Variants in LRRC37A2 observed in about 807,000 individuals in gnomAD.
LRRC37A2 encodes the protein leucine rich repeat containing 37 member A2.
Under a neutral mutation model 68.8 loss-of-function variants are expected in LRRC37A2, and 9 were observed. The ratio of observed to expected loss-of-function variants is 0.13; its 90% confidence interval spans 0.08 to 0.23. LRRC37A2 has a LOEUF of 0.23. Among genes scored for constraint, LRRC37A2 ranks in the 10% least tolerant of loss-of-function variants. The pLI is 1.00. For missense variants in LRRC37A2, 168 were observed against 950.4 expected (o/e 0.18, Z 10.82); for synonymous variants, 63 against 367.6 (o/e 0.17, Z 9.48).
chr17:46,449,821 G>A, the LRRC37A2 span, among the ~76,000 whole-genome samples: 1 of 103,850 alleles, frequency 9.6e-6, no homozygotes, highest in Admixed American at 9.2e-5. Context: ...CCCAATGACA[G>A]CACTGCTCTC....
At chr17:46,721,771 G>A in the LRRC37A2 span, 11 of 1,602,486 alleles carry the variant, frequency 6.9e-6, no homozygotes, top group Non-Finnish European at 9.4e-6. Flanking sequence ...GGAAGACCAA[G>A]TCCTCAAGGA....
chr17:46,489,680 G>T, the LRRC37A2 span, among the ~76,000 whole-genome samples: 90 of 148,418 alleles, frequency 6.1e-4, no homozygotes, highest in South Asian at 1.0e-3. Context: ...TAGAGACAGG[G>T]TTTCACCATG....
the LRRC37A2 span, among the ~76,000 whole-genome samples, chr17:46,887,491 G>A: frequency 4.6e-5 from 7 of 152,078 alleles, no homozygotes; most frequent in South Asian, 2.1e-4. Flanking sequence ...AGGGCCAGGC[G>A]TGGTGGCTCA....
the LRRC37A2 span, among the ~76,000 whole-genome samples, chr17:46,730,399 C>T: frequency 6.6e-6 from 1 of 152,090 alleles, no homozygotes; most frequent in Non-Finnish European, 1.5e-5. Context: ...TTGTTCTTTA[C>T]ATTGTTAAAT....
chr17:46,908,308 C>G, the LRRC37A2 span, among the ~76,000 whole-genome samples: 1 of 152,132 alleles, frequency 6.6e-6, no homozygotes, highest in Non-Finnish European at 1.5e-5. Context: ...CTGTCTGGCC[C>G]TCTCCTCAAG....
the LRRC37A2 span, chr17:46,938,601 G>A: frequency 1.9e-6 from 3 of 1,613,922 alleles, no homozygotes; most frequent in Non-Finnish European, 2.5e-6. Flanking sequence ...TGCCCCAGGG[G>A]ACTCAGAAGA....
the LRRC37A2 span, among the ~76,000 whole-genome samples, chr17:46,712,413 A>G: frequency 3.9e-5 from 6 of 152,098 alleles, no homozygotes; most frequent in Admixed American, 1.3e-4. Flanking sequence ...TATTTGTTAG[A>G]TTGGATGTGG....
chr17:46,929,566 G>C, the LRRC37A2 span: 1 of 1,542,812 alleles, frequency 6.5e-7, no homozygotes, highest in East Asian at 2.2e-5. Flanking sequence ...GGAGACGGCA[G>C]ACAAGCAGTC....
At chr17:46,900,376 T>G in the LRRC37A2 span, among the ~76,000 whole-genome samples, 1 of 151,634 alleles carries the variant, frequency 6.6e-6, no homozygotes, top group Non-Finnish European at 1.5e-5. Flanking sequence ...TCAGCCTCCC[T>G]AGTAGCTGGG....
chr17:46,673,246 AAT>A, the LRRC37A2 span, among the ~76,000 whole-genome samples: 4 of 105,942 alleles, frequency 3.8e-5, 1 homozygote, highest in Non-Finnish European at 6.5e-5. Flanking sequence ...TAAAATTTCT[AAT>A]AGAGTTGTTT....
the LRRC37A2 span, among the ~76,000 whole-genome samples, chr17:47,037,277 G>A: frequency 6.6e-6 from 1 of 152,106 alleles, no homozygotes; most frequent in Admixed American, 6.6e-5. Flanking sequence ...GCAACAGAGT[G>A]AGACTCCAAT....
the LRRC37A2 span, among the ~76,000 whole-genome samples, chr17:46,871,853 C>T: frequency 6.6e-6 from 1 of 152,204 alleles, no homozygotes; most frequent in Non-Finnish European, 1.5e-5. Context: ...TCTTTCCTTC[C>T]ATCCCCTTCT....
the LRRC37A2 span, among the ~76,000 whole-genome samples, chr17:46,953,483 T>C: frequency 6.6e-6 from 1 of 152,212 alleles, no homozygotes; most frequent in Non-Finnish European, 1.5e-5. Flanking sequence ...GTCTTTGCTA[T>C]TGTGAATAGT....
At chr17:46,759,052 C>A in the LRRC37A2 span, among the ~76,000 whole-genome samples, 1 of 152,058 alleles carries the variant, frequency 6.6e-6, no homozygotes, top group Non-Finnish European at 1.5e-5. Context: ...TAAAAATACA[C>A]AATTAGCCGG....
chr17:46,769,700 G>A, the LRRC37A2 span: 1 of 1,565,892 alleles, frequency 6.4e-7, no homozygotes, highest in South Asian at 1.1e-5. Context: ...CTGCCGGAAG[G>A]GGTGAGGTGG....
At chr17:46,636,674 G>GT in the LRRC37A2 span, among the ~76,000 whole-genome samples, 1 of 122,770 alleles carries the variant, frequency 8.1e-6, no homozygotes, top group Non-Finnish European at 1.6e-5. Context: ...CACCTTAGCT[G>GT]TTTTTTTGTG....
the LRRC37A2 span, chr17:46,722,263 G>A: frequency 1.9e-6 from 2 of 1,029,328 alleles, no homozygotes; most frequent in African/African-American, 1.6e-5. Flanking sequence ...GATTAATTTT[G>A]GGGGGAGTCT....
chr17:46,845,925 G>A, the LRRC37A2 span, among the ~76,000 whole-genome samples: 1 of 151,622 alleles, frequency 6.6e-6, no homozygotes, highest in African/African-American at 2.4e-5. Context: ...TGAGTAGCTG[G>A]GATTACAGGC....
the LRRC37A2 span, among the ~76,000 whole-genome samples, chr17:46,767,645 C>T: frequency 3.3e-5 from 5 of 152,204 alleles, no homozygotes; most frequent in Non-Finnish European, 5.9e-5. Context: ...CAGCTTCCAG[C>T]CCCCCATCTC....
Sources: allele counts gnomAD v4.1 joint callset (sites outside exome capture counted in the v4.1 genomes callset), GRCh38; gene constraint gnomAD v4.1.1; transcripts MANE v1.5; gene names NCBI Gene and HGNC (gene_info 2026-07-23, HGNC 2026-07-21).